Variants in ATF7IP2 observed in about 807,000 individuals in gnomAD.
The protein encoded by ATF7IP2 is activating transcription factor 7-interacting protein 2.
ATF7IP2 carries 42 observed loss-of-function variants against 64.2 expected under a neutral mutation model. That is an observed-to-expected ratio of 0.65 (90% CI 0.51 to 0.85). The LOEUF is 0.85. Ranked by LOEUF, ATF7IP2 falls within the 40% of genes least tolerant of loss-of-function variation. The probability of loss-of-function intolerance (pLI) is 0.00; values close to 1 mark genes in which losing one functional copy is unlikely to be tolerated. For missense variants in ATF7IP2, 933 were observed against 784.2 expected (o/e 1.19, Z -2.27); for synonymous variants, 308 against 272.8 (o/e 1.13, Z -1.27).
intron 12 of ATF7IP2, among the ~76,000 whole-genome samples, chr16:10,475,722 G>GAAAAAAAAAAAAAAAAAAAAA (rs386384218): frequency 5.0e-4 from 21 of 41,626 alleles, no homozygotes; most frequent in South Asian, 2.5e-3. Flanking sequence ...TAAGAAGCCA[G>GAAAAAAAAAAAAAAAAAAAAA]AAAAAAAAAA....
At chr16:10,419,558 A>C (rs531830894) in intron 2 of ATF7IP2, 23 bp from the exon 3 acceptor site, 3 of 153,232 alleles carry the variant, frequency 2.0e-5, no homozygotes, top group African/African-American at 7.2e-5. Context: ...ACTCATTGTG[A>C]TTGGTTGTTC....
intron 8 of ATF7IP2, chr16:10,446,055 C>T (rs1329991880): frequency 6.6e-6 from 1 of 152,206 alleles, no homozygotes; most frequent in Non-Finnish European, 1.5e-5. Flanking sequence ...AGGGCTACTT[C>T]AAGCCCTACT....
chr16:10,390,008 A>C (rs763949630), intron 1 of ATF7IP2, among the ~76,000 whole-genome samples: 23 of 152,340 alleles, frequency 1.5e-4, no homozygotes, highest in Non-Finnish European at 2.8e-4. Context: ...ATATTGGCTG[A>C]AGTACCTGAC....
At chr16:10,394,277 T>A (rs527888493) in intron 1 of ATF7IP2, among the ~76,000 whole-genome samples, 23 of 152,156 alleles carry the variant, frequency 1.5e-4, no homozygotes, top group Non-Finnish European at 2.9e-4. Context: ...ACTGAAACAG[T>A]ATTGCTGGAG....
At chr16:10,434,369 C>T (rs2048350340) in intron 6 of ATF7IP2, among the ~76,000 whole-genome samples, 1 of 152,020 alleles carries the variant, frequency 6.6e-6, no homozygotes, top group South Asian at 2.1e-4. Flanking sequence ...CACTACAAAT[C>T]ATTACCTAGT....
intron 1 of ATF7IP2, among the ~76,000 whole-genome samples, chr16:10,406,144 C>T (rs1330286327): frequency 1.3e-5 from 2 of 152,098 alleles, no homozygotes; most frequent in African/African-American, 4.8e-5. Flanking sequence ...TTTACTCTGT[C>T]ACTCAGGCTG....
intron 1 of ATF7IP2, chr16:10,386,505 C>T (rs1335363893): frequency 1.3e-5 from 2 of 152,150 alleles, no homozygotes; most frequent in Non-Finnish European, 2.9e-5. Context: ...ACGGATAAAT[C>T]TCCACCTCCA....
intron 8 of ATF7IP2, among the ~76,000 whole-genome samples, chr16:10,443,342 C>G (rs1235293987): frequency 2.0e-5 from 3 of 152,126 alleles, no homozygotes; most frequent in Non-Finnish European, 2.9e-5. Context: ...GGGTGCTGGA[C>G]TTCAGGCAAT....
chr16:10,418,702 G>A (rs2047927093), intron 2 of ATF7IP2, among the ~76,000 whole-genome samples: 1 of 152,198 alleles, frequency 6.6e-6, no homozygotes, highest in South Asian at 2.1e-4. Flanking sequence ...ATTTTGCAAT[G>A]TCCAACGACA....
At chr16:10,461,708 A>T (rs1446603766) in intron 9 of ATF7IP2, among the ~76,000 whole-genome samples, 1 of 152,176 alleles carries the variant, frequency 6.6e-6, no homozygotes, top group African/African-American at 2.4e-5. Context: ...TTAGTACCAC[A>T]TATGCCATTT....
chr16:10,465,385 G>A (rs2049528879), intron 9 of ATF7IP2, among the ~76,000 whole-genome samples: 1 of 151,954 alleles, frequency 6.6e-6, no homozygotes, highest in Non-Finnish European at 1.5e-5. Context: ...GATAACATAT[G>A]TTAGTCACAC....
In ATF7IP2 at chr16:10,441,823, C is replaced by G. The variant is rs142060933; in HGVS notation, c.1194+1361C>G. On this transcript the variant is annotated intron_variant, in intron 8 of 13. Coordinates refer to ENST00000562102, the MANE Select transcript of ATF7IP2 (RefSeq NM_001393719.1). The stretch of plus-strand genomic sequence containing the variant: ...TTTAGTCATGAAGTCTTTGCCCATT[C>G]CTATGTCCTGTATGTTATTGCCTAT... 6.5e-3 allele frequency among the ~76,000 whole-genome samples: 991 copies of G among 152,252 alleles called. 11 individuals carry two copies. Among genetic ancestry groups the G allele is most frequent in the African/African-American group, 0.022 (920 of 41,556 alleles).
intron 8 of ATF7IP2, among the ~76,000 whole-genome samples, chr16:10,443,275 A>G (rs2048690800): frequency 6.6e-6 from 1 of 152,194 alleles, no homozygotes; most frequent in Admixed American, 6.5e-5. Context: ...TGAGAGACAC[A>G]AAGTAAAATT....
chr16:10,433,686 G>T, intron 6 of ATF7IP2, 37 bp downstream of exon 6: 1 of 1,603,652 alleles, frequency 6.2e-7, no homozygotes, highest in South Asian at 1.1e-5. Flanking sequence ...TTTTACTTTT[G>T]ATTAGTAAAA....
intron 8 of ATF7IP2, chr16:10,446,035 G>A (rs2048792255): frequency 1.3e-5 from 2 of 152,198 alleles, no homozygotes; most frequent in South Asian, 4.1e-4. Flanking sequence ...CAGTCTTCCT[G>A]ACTTCTTCAA....
intron 1 of ATF7IP2, among the ~76,000 whole-genome samples, chr16:10,391,881 G>C (rs1170847678): frequency 2.0e-5 from 3 of 151,052 alleles, no homozygotes; most frequent in East Asian, 2.0e-4. Context: ...GGGTGACAGA[G>C]TGAGATTCTG....
At chr16:10,394,629 A>G (rs1378950576) in intron 1 of ATF7IP2, among the ~76,000 whole-genome samples, 1 of 152,224 alleles carries the variant, frequency 6.6e-6, no homozygotes, top group East Asian at 1.9e-4. Context: ...CATGAAGCAA[A>G]CCAACACACT....
In ATF7IP2 at chr16:10,481,891, C is replaced by G; in HGVS notation, c.1691C>G (p.Pro564Arg). The G allele has an allele frequency of 1.2e-6, 2 of 1,612,672 alleles. No homozygotes were observed. Among genetic ancestry groups the G allele is most frequent in the Middle Eastern group, 1.7e-4 (1 of 6,054 alleles). The change falls in exon 14 of 14, where the codon CCT (proline) becomes CGT (arginine). Residue 564 changes from proline to arginine, a missense_variant. Transcript: ENST00000562102. ...PPLPEPPAPL[P>R]ELVDKTRDTL... ...CTCCCAGAACCACCAGCACCACTAC[C>G]TGAATTAGTAGACAAAACCCGAGAC... is the stretch of plus-strand genomic sequence containing the variant.
intron 1 of ATF7IP2, among the ~76,000 whole-genome samples, chr16:10,410,200 G>A (rs561926750): frequency 8.5e-5 from 13 of 152,248 alleles, no homozygotes; most frequent in Middle Eastern, 3.4e-3. Flanking sequence ...CTACCCATCC[G>A]TGAGCACGGG....
Sources: gnomAD v4.1 joint callset for allele counts (sites outside exome capture counted in the v4.1 genomes callset) on GRCh38, gnomAD v4.1.1 for gene constraint, MANE v1.5 for transcripts, NCBI Gene and HGNC (gene_info 2026-07-23, HGNC 2026-07-21) for gene names.